The following HTN3 variants were observed in gnomAD, a reference collection of about 807,000 sequenced individuals.
The protein encoded by HTN3 is histatin-3.
In HTN3, 15 loss-of-function variants were observed where a neutral mutation model predicts 10.6. The ratio of observed to expected loss-of-function variants is 1.42; its 90% confidence interval spans 0.95 to 2.18. HTN3 has a LOEUF of 2.18. HTN3 is among the 30% of genes most tolerant of loss of function. HTN3 has a pLI of 0.00. For synonymous variants in HTN3, 15 were observed against 16.9 expected (o/e 0.89, Z 0.27); for missense variants, 68 against 58.0 (o/e 1.17, Z -0.56).
chr4:70,030,179 C>A (rs1014521212), intron 1 of HTN3, among the ~76,000 whole-genome samples: 3 of 152,068 alleles, frequency 2.0e-5, no homozygotes, highest in Admixed American at 2.0e-4. Context: ...TTGCAGTCTC[C>A]CAACACCTCC....
Position 70,035,053 on chromosome 4 carries a change from C to G in HTN3, c.*34-1214C>G, listed in dbSNP as rs141062981. Among the ~76,000 whole-genome samples, 5 of 152,064 alleles carry G rather than the reference C, an allele frequency of 3.3e-5. No individual in the cohort carries two copies. The East Asian group carries it at 9.7e-4, about 29-fold the overall frequency. Reference sequence around the variant, plus strand: ...ACCAGGGATGGGGGGTAGGAGGTGACAGAAGGTAACATAGAGGGCTGATCA... The same window carrying G: ...ACCAGGGATGGGGGGTAGGAGGTGAGAGAAGGTAACATAGAGGGCTGATCA... On this transcript the variant is annotated intron_variant, in intron 5 of 5. Coordinates refer to ENST00000673563, the MANE Select transcript of HTN3 (RefSeq NM_000200.3).
intron 5 of HTN3, chr4:70,033,994 G>T (rs1262348317): frequency 6.6e-6 from 1 of 151,958 alleles, no homozygotes; most frequent in Admixed American, 6.6e-5. Context: ...GGGAAAACTG[G>T]CTAGCCATAT....
intron 1 of HTN3, among the ~76,000 whole-genome samples, chr4:70,030,194 A>G (rs1266826002): frequency 2.0e-5 from 3 of 151,736 alleles, no homozygotes; most frequent in African/African-American, 4.8e-5. Flanking sequence ...ACCTCCCTTT[A>G]CTCATTCCAT....
At chr4:70,031,063 T>A in intron 2 of HTN3, 1 of 285,242 alleles carries the variant, frequency 3.5e-6, no homozygotes, top group South Asian at 4.6e-5. Context: ...CTGAGAACTG[T>A]GAAAATATCT....
intron 5 of HTN3, among the ~76,000 whole-genome samples, chr4:70,035,469 G>C (rs1725490724): frequency 6.6e-6 from 1 of 152,154 alleles, no homozygotes. Context: ...TCTGTACCTG[G>C]TTGTTATTTG....
intron 1 of HTN3, among the ~76,000 whole-genome samples, chr4:70,029,209 T>TA (rs1725316498): frequency 6.6e-6 from 1 of 152,100 alleles, no homozygotes; most frequent in Non-Finnish European, 1.5e-5. Context: ...GGCACTTTCT[T>TA]ACAGCCTTTT....
At chr4:70,029,367 A>G (rs75710828) in intron 1 of HTN3, among the ~76,000 whole-genome samples, 3,805 of 152,150 alleles carry the variant, frequency 0.025, 66 homozygotes, top group Non-Finnish European at 0.038. Flanking sequence ...GTCCTATACA[A>G]GAAGTTTCCA....
chr4:70,028,705 C>T (rs991126477), intron 1 of HTN3, among the ~76,000 whole-genome samples, 189 bp downstream of exon 1: 9 of 152,214 alleles, frequency 5.9e-5, no homozygotes, highest in African/African-American at 2.2e-4. Flanking sequence ...CAGCAATCAT[C>T]ATGCAAAGTA....
chr4:70,031,137 C>A, intron 2 of HTN3: 1 of 193,476 alleles, frequency 5.2e-6, no homozygotes, highest in Non-Finnish European at 1.0e-5. Flanking sequence ...AGGTACACTT[C>A]AATGGAACCT....
At chr4:70,034,175 A>T (rs1725453298) in intron 5 of HTN3, 1 of 152,218 alleles carries the variant, frequency 6.6e-6, no homozygotes, top group Non-Finnish European at 1.5e-5. Flanking sequence ...AAATGCCAAA[A>T]GCAATGGCAA....
intron 5 of HTN3, among the ~76,000 whole-genome samples, chr4:70,035,520 C>T (rs1322580935): frequency 1.3e-5 from 2 of 152,160 alleles, no homozygotes; most frequent in Non-Finnish European, 2.9e-5. Flanking sequence ...AGAAGCTGCA[C>T]AACCGCCATC....
chr4:70,032,441 T>C (rs1359102566), intron 4 of HTN3, among the ~76,000 whole-genome samples: 1 of 152,056 alleles, frequency 6.6e-6, no homozygotes, highest in Non-Finnish European at 1.5e-5. Flanking sequence ...GTATAACATA[T>C]GCCTAATGAA....
At chr4:70,031,249 C>A (rs1725376073) in intron 2 of HTN3, 1 of 157,428 alleles carries the variant, frequency 6.4e-6, no homozygotes, top group South Asian at 1.9e-4. Context: ...TAAAATAAAG[C>A]TGCCTATTTT....
chr4:70,028,630 G>T (rs1725299280), intron 1 of HTN3, 114 bp downstream of exon 1: 1 of 151,974 alleles, frequency 6.6e-6, no homozygotes, highest in Non-Finnish European at 1.5e-5. Flanking sequence ...TTCTTATAAA[G>T]AAATAATTAC....
intron 5 of HTN3, among the ~76,000 whole-genome samples, chr4:70,035,628 T>A (rs1182632752): frequency 6.6e-6 from 1 of 152,196 alleles, no homozygotes; most frequent in Non-Finnish European, 1.5e-5. Context: ...AGATGGGAAT[T>A]TTCAAGGAAA....
chr4:70,034,065 T>C (rs1165943415), intron 5 of HTN3: 2 of 151,888 alleles, frequency 1.3e-5, no homozygotes, highest in East Asian at 3.9e-4. Context: ...TCAAGATGGA[T>C]TGAAAATTAA....
rs756778708 is a variant in HTN3, at chr4:70,030,789, A to T, written c.49A>T (p.Thr17Ser). ...ALILALMLSM[T>S]GADSHAKRHH... ...AATCTTGGCTCTCATGCTTTCCATG[A>T]CTGTAAGTATATCTGGAAGTTTTAA... Residue 17 changes from threonine (T) to serine (S), a missense_variant and splice_region_variant, in exon 2 of 6, where the codon ACT becomes TCT. Coordinates refer to ENST00000673563, the MANE Select transcript of HTN3 (RefSeq NM_000200.3). 2.4e-5 allele frequency: 39 copies of T among 1,609,924 alleles called. 1 individual carries two copies. In the South Asian group the frequency reaches 3.6e-4, roughly 15 times the overall value.
chr4:70,030,735 C>T lies in HTN3; in HGVS notation c.-6C>T, dbSNP rs377278927. 416 of 1,605,954 alleles carry T rather than the reference C, an allele frequency of 2.6e-4. 1 individual carries two copies. In the African/African-American group the frequency reaches 5.3e-3, roughly 20 times the overall value. On this transcript the variant is annotated 5_prime_UTR_variant, in exon 2 of 6. Transcript: ENST00000673563. The stretch of plus-strand genomic sequence containing the variant: ...TCATGTTTGATTTTATAGGACTCAG[C>T]CAACTATGAAGTTTTTTGTTTTTGC...
chr4:70,032,169 C>T, intron 4 of HTN3, 62 bp downstream of exon 4: 1 of 1,025,796 alleles, frequency 9.7e-7, no homozygotes, highest in Non-Finnish European at 1.5e-6. Context: ...ATTTATTCTC[C>T]TAGAATAATT....
Sources: gnomAD v4.1 joint callset for allele counts (sites outside exome capture counted in the v4.1 genomes callset) on GRCh38, gnomAD v4.1.1 for gene constraint, MANE v1.5 for transcripts, NCBI Gene and HGNC (gene_info 2026-07-23, HGNC 2026-07-21) for gene names.